ACSS1: variants seen among roughly 807,000 people sequenced by gnomAD.
ACSS1 encodes the protein acetyl-coenzyme A synthetase 2-like, mitochondrial.
In ACSS1, 42 loss-of-function variants were observed where a neutral mutation model predicts 75.3. The ratio of observed to expected loss-of-function variants is 0.56; its 90% CI spans 0.44 to 0.72. The LOEUF is 0.72. ACSS1 is among the 30% of genes least tolerant of loss of function. The probability of loss-of-function intolerance (pLI) is 0.00; values close to 1 mark genes in which losing one functional copy is unlikely to be tolerated. For missense variants in ACSS1, 782 were observed against 935.7 expected (o/e 0.84, Z 2.14); for synonymous variants, 380 against 376.8 (o/e 1.01, Z -0.10).
At position 25,021,756 on chromosome 20, in the gene ACSS1, G is replaced by A. The variant is rs112089783; in HGVS notation, c.961-220C>T. On this transcript the variant is annotated intron_variant, in intron 5 of 13. Coordinates refer to ENST00000323482, the MANE Select transcript of ACSS1 (RefSeq NM_032501.4). ...ACCTTTTTGCATTACCTTATGCCACGATTTTTTAAACCCCTTAAGAACTAC... is the reference window on the plus strand; with the variant it reads ...ACCTTTTTGCATTACCTTATGCCACAATTTTTTAAACCCCTTAAGAACTAC... 9.7e-3 allele frequency among the ~76,000 whole-genome samples: 1,475 copies of A among 152,260 alleles called. 24 individuals are homozygous for A. Among genetic ancestry groups the A allele is most frequent in the African/African-American group, 0.033 (1,381 of 41,534 alleles).
intron 3 of ACSS1, among the ~76,000 whole-genome samples, chr20:25,026,829 C>T (rs1343284093): frequency 6.6e-6 from 1 of 152,196 alleles, no homozygotes; most frequent in Admixed American, 6.5e-5. Flanking sequence ...GGGCAGAGTC[C>T]TCTTCAGGAC....
chr20:25,026,010 A>C (rs2088710552), intron 3 of ACSS1, among the ~76,000 whole-genome samples: 2 of 152,064 alleles, frequency 1.3e-5, no homozygotes, highest in Admixed American at 1.3e-4. Flanking sequence ...TTCTACCCCC[A>C]CAGTCTCTCT....
Position 25,013,610 on chromosome 20 carries a change from G to A in ACSS1, c.1505C>T (p.Ala502Val). The A allele has an allele frequency of 1.2e-6, 2 of 1,610,498 alleles. No homozygotes were observed. Among genetic ancestry groups the A allele is most frequent in the Non-Finnish European group, 1.7e-6 (2 of 1,178,016 alleles). The change falls in exon 10 of 14, where the codon GCC becomes GTC. Residue 502 changes from alanine (A) to valine (V), a missense_variant. By Grantham distance (64) the Ala-to-Val change is moderately conservative. Transcript: ENST00000323482. ...GATGGTCCTGGCCATGCCCGGCCAG[G>A]CCTGGGAGATGCACAGGGCCCCGGA... ...NVSGALCISQAWPGMARTIYG... is the reference protein window; with the variant it reads ...NVSGALCISQVWPGMARTIYG...
chr20:25,039,579 G>A (rs527464745), intron 2 of ACSS1, among the ~76,000 whole-genome samples: 7 of 152,292 alleles, frequency 4.6e-5, no homozygotes, highest in African/African-American at 9.6e-5. Flanking sequence ...GTGGAATGGC[G>A]TTTTCCTTCA....
chr20:25,032,625 A>G (rs1006932720), intron 2 of ACSS1: 24 of 1,230,744 alleles, frequency 2.0e-5, no homozygotes, highest in Non-Finnish European at 2.4e-5. Flanking sequence ...CCCAGAAAGC[A>G]GACCCTCCTC....
intron 3 of ACSS1, among the ~76,000 whole-genome samples, chr20:25,029,909 A>G (rs150172860): frequency 1.5e-3 from 232 of 152,370 alleles, no homozygotes; most frequent in African/African-American, 5.3e-3. Context: ...TAACCTTTGT[A>G]GAGTGCTTAG....
chr20:25,012,958 A>G lies in ACSS1; in HGVS notation c.1580-19T>C. ...TAATAGCCTGCACCACAGCAGGGAA[A>G]TTCAGCACCAGGAACCCTGAGCCAG... On this transcript the variant is annotated intron_variant, in intron 10 of 13. Transcript: ENST00000323482. 2 of 1,614,066 alleles carry G rather than the reference A, an allele frequency of 1.2e-6. No homozygotes were observed. The highest frequency in any genetic ancestry group is 1.7e-6 in the Non-Finnish European group (2 of 1,179,982).
At chr20:25,048,971 G>A (rs1443047696) in intron 1 of ACSS1, among the ~76,000 whole-genome samples, 2 of 152,168 alleles carry the variant, frequency 1.3e-5, no homozygotes, top group South Asian at 2.1e-4. Flanking sequence ...CTGGCTTATC[G>A]GAGGGTCCCC....
intron 10 of ACSS1, among the ~76,000 whole-genome samples, chr20:25,013,146 C>T (rs2088445602): frequency 6.6e-6 from 1 of 152,200 alleles, no homozygotes; most frequent in African/African-American, 2.4e-5. Flanking sequence ...GGTATACAAG[C>T]AGCACATCCA....
intron 1 of ACSS1, among the ~76,000 whole-genome samples, chr20:25,055,147 G>T (rs1297845326): frequency 6.6e-6 from 1 of 152,140 alleles, no homozygotes; most frequent in Non-Finnish European, 1.5e-5. Context: ...AACTAAATTT[G>T]TCCTAATTTT....
intron 3 of ACSS1, among the ~76,000 whole-genome samples, chr20:25,026,557 T>C (rs1354791586): frequency 6.6e-6 from 1 of 152,224 alleles, no homozygotes; most frequent in African/African-American, 2.4e-5. Flanking sequence ...ACCTGACTAA[T>C]GTCCCAGATG....
At chr20:25,029,075 T>TA (rs2088778755) in intron 3 of ACSS1, among the ~76,000 whole-genome samples, 1 of 152,226 alleles carries the variant, frequency 6.6e-6, no homozygotes, top group Non-Finnish European at 1.5e-5. Flanking sequence ...CAAAGTTTAC[T>TA]ACTGAGAAAG....
At chr20:25,025,059 G>A (rs550478012) in intron 3 of ACSS1, among the ~76,000 whole-genome samples, 80 of 152,360 alleles carry the variant, frequency 5.3e-4, no homozygotes, top group Non-Finnish European at 7.8e-4. Flanking sequence ...CCCTATGGGC[G>A]AGGAAGGGAG....
chr20:25,054,053 C>A (rs1459032946), intron 1 of ACSS1, among the ~76,000 whole-genome samples: 1 of 152,236 alleles, frequency 6.6e-6, no homozygotes, highest in Admixed American at 6.5e-5. Flanking sequence ...CTCCAAAGAA[C>A]CTTCTGCAAG....
At chr20:25,022,360 AAAAACAAAACAAAAC>A (rs3086647) in intron 5 of ACSS1, among the ~76,000 whole-genome samples, 1 of 151,620 alleles carries the variant, frequency 6.6e-6, no homozygotes, top group African/African-American at 2.4e-5. Flanking sequence ...GACTCCATGA[AAAAACAAAACAAAAC>A]AAAACAAAAC....
intron 1 of ACSS1, among the ~76,000 whole-genome samples, chr20:25,056,242 C>T (rs987791201): frequency 6.6e-6 from 1 of 152,196 alleles, no homozygotes; most frequent in Admixed American, 6.5e-5. Flanking sequence ...CTTGGCCTCA[C>T]AAGTCCAGAG....
chr20:25,032,688 G>A, intron 2 of ACSS1: 2 of 1,190,070 alleles, frequency 1.7e-6, no homozygotes, highest in East Asian at 3.6e-5. Flanking sequence ...CTGTTCAAAG[G>A]GTAGTCAAGG....
intron 2 of ACSS1, among the ~76,000 whole-genome samples, chr20:25,038,617 A>T (rs1051312637): frequency 6.6e-6 from 1 of 152,198 alleles, no homozygotes; most frequent in South Asian, 2.1e-4. Flanking sequence ...CTCAGGGCAC[A>T]TGCACCTCAG....
In ACSS1 at chr20:25,020,107, C is replaced by T; in HGVS notation, c.1149G>A (p.Gln383=). Residue 383 remains glutamine, a synonymous_variant, in exon 7 of 14, where the codon CAG becomes CAA. Coordinates refer to ENST00000323482, the MANE Select transcript of ACSS1 (RefSeq NM_032501.4). ...WETVERLKIN[Q]FYGAPTAVRL... Reference sequence around the variant, plus strand: ...GGACAGCCGTTGGGGCGCCATAGAACTGATTGATCTTCAACCTCTCTACTG... The same window carrying T: ...GGACAGCCGTTGGGGCGCCATAGAATTGATTGATCTTCAACCTCTCTACTG... 1.2e-6 allele frequency: 2 copies of T among 1,614,266 alleles called. No individual in the cohort carries two copies. The highest frequency in any genetic ancestry group is 1.7e-5 in the Admixed American group (1 of 60,038).
Sources: allele counts gnomAD v4.1 joint callset (sites outside exome capture counted in the v4.1 genomes callset), GRCh38; gene constraint gnomAD v4.1.1; transcripts MANE v1.5; gene names NCBI Gene and HGNC (gene_info 2026-07-23, HGNC 2026-07-21).